CDH13: variants seen among roughly 807,000 people sequenced by gnomAD.
CDH13 encodes the protein cadherin 13.
CDH13 carries 24 observed loss-of-function variants against 63.8 expected under a neutral mutation model. That is an observed-to-expected ratio of 0.38 (90% CI 0.27 to 0.53). The LOEUF is 0.53. CDH13 is among the 20% of genes least tolerant of loss of function. The probability of loss-of-function intolerance (pLI) is 0.85; values close to 1 mark genes in which losing one functional copy is unlikely to be tolerated. For synonymous variants in CDH13, 503 were observed against 355.3 expected, an observed-to-expected ratio of 1.42 and a Z score of -4.67; for missense variants, 1,049 against 903.1, an observed-to-expected ratio of 1.16 and a Z score of -2.07.
chr16:83,511,111 T>TAC (rs1362844500), intron 7 of CDH13, among the ~76,000 whole-genome samples: 1 of 102,224 alleles, frequency 9.8e-6, no homozygotes, highest in Non-Finnish European at 2.0e-5. Flanking sequence ...CATGCACGCA[T>TAC]GCACACACAT....
intron 6 of CDH13, among the ~76,000 whole-genome samples, chr16:83,349,752 C>T (rs1012014617): frequency 6.6e-6 from 1 of 152,116 alleles, no homozygotes; most frequent in African/African-American, 2.4e-5. Flanking sequence ...AGACACCTGC[C>T]ACCACGCCCA....
At chr16:83,667,957 C>T (rs1330626842) in intron 8 of CDH13, among the ~76,000 whole-genome samples, 1 of 152,100 alleles carries the variant, frequency 6.6e-6, no homozygotes, top group African/African-American at 2.4e-5. Context: ...AATACCATGC[C>T]CAGCCCCCAA....
In CDH13 at chr16:83,659,785, CTT is replaced by C. The variant is rs35285231; in HGVS notation, c.1102-10987_1102-10986del. ...ATGAGTTAGAGCAGCAGTCCACAAC[CTT>C]TTTTTTTTTTTTTTTTTGAGATGGA... On this transcript the variant is annotated intron_variant, in intron 8 of 13. Transcript: ENST00000567109. Among the ~76,000 whole-genome samples the C allele has an allele frequency of 6.4e-3, 791 of 122,864 alleles. 7 individuals carry two copies. Among genetic ancestry groups the C allele is most frequent in the East Asian group, 0.033 (134 of 4,082 alleles). The allele number at this position is 122,864 out of a possible 152,430, so 80.6% of individuals were successfully genotyped here. A position where few individuals can be genotyped will look rare whatever the true frequency, so the allele number is the denominator to read the frequency against.
chr16:83,185,059 C>T (rs1705567758), intron 4 of CDH13, among the ~76,000 whole-genome samples: 1 of 152,010 alleles, frequency 6.6e-6, no homozygotes, highest in Non-Finnish European at 1.5e-5. Context: ...GATCTTCCCA[C>T]CAACCTGGTA....
chr16:83,540,804 A>G (rs1489432506), intron 7 of CDH13, among the ~76,000 whole-genome samples: 1 of 152,094 alleles, frequency 6.6e-6, no homozygotes, highest in African/African-American at 2.4e-5. Flanking sequence ...TAATTTTTGT[A>G]TTTTTAGTAG....
At position 82,644,710 on chromosome 16, in the gene CDH13, G is replaced by A. The variant is rs1002093008; in HGVS notation, c.45+17573G>A. On this transcript the variant is annotated intron_variant, in intron 1 of 13. Transcript: ENST00000567109. The surrounding 1 kb of genome is among the most constrained non-coding windows in gnomAD (Gnocchi z 5.7). ...TGGCTGGGACCCAGGCTCCCAGGTA[G>A]CCAGCTCCCAGGTGACAGGAGTCCG... Among the ~76,000 whole-genome samples the A allele has an allele frequency of 8.5e-5, 13 of 152,148 alleles. No individual in the cohort carries two copies. Among genetic ancestry groups the A allele is most frequent in the African/African-American group, 3.1e-4 (13 of 41,426 alleles).
At chr16:83,303,342 C>T (rs751055629) in intron 5 of CDH13, among the ~76,000 whole-genome samples, 5 of 152,168 alleles carry the variant, frequency 3.3e-5, no homozygotes, top group Admixed American at 6.5e-5. Flanking sequence ...GGTCCAGATG[C>T]TTATACAACT....
chr16:83,221,679 G>A (rs1292309635), intron 5 of CDH13, among the ~76,000 whole-genome samples: 2 of 151,780 alleles, frequency 1.3e-5, no homozygotes, highest in African/African-American at 4.8e-5. Flanking sequence ...GGTTGGGATG[G>A]GCTCTGCAGG....
At chr16:83,365,959 G>A (rs1364243062) in intron 6 of CDH13, among the ~76,000 whole-genome samples, 1 of 152,112 alleles carries the variant, frequency 6.6e-6, no homozygotes, top group Non-Finnish European at 1.5e-5. Context: ...GGCCTTATGA[G>A]CCCCTAAGCA....
intron 2 of CDH13, among the ~76,000 whole-genome samples, chr16:82,943,483 G>T (rs745438696): frequency 7.9e-5 from 12 of 152,246 alleles, no homozygotes; most frequent in African/African-American, 1.2e-4. Flanking sequence ...CATGACAAAA[G>T]GTGTGATTAT....
intron 2 of CDH13, among the ~76,000 whole-genome samples, chr16:82,925,229 G>T (rs777060255): frequency 6.6e-6 from 1 of 152,132 alleles, no homozygotes; most frequent in Non-Finnish European, 1.5e-5. Flanking sequence ...AAAGAGGGAG[G>T]AGGTGACATA....
At chr16:82,832,678 C>T (rs141264624) in intron 1 of CDH13, among the ~76,000 whole-genome samples, 367 of 151,844 alleles carry the variant, frequency 2.4e-3, no homozygotes, top group African/African-American at 8.0e-3. Context: ...AATATAGCAA[C>T]GATATGAAAT....
At chr16:83,676,055 T>C (rs1292093622) in intron 9 of CDH13, among the ~76,000 whole-genome samples, 4 of 152,000 alleles carry the variant, frequency 2.6e-5, no homozygotes, top group Admixed American at 2.0e-4. Context: ...TTGCTGCAAA[T>C]AATGACATCC....
At chr16:83,101,928 C>T (rs1331129578) in intron 3 of CDH13, among the ~76,000 whole-genome samples, 1 of 152,190 alleles carries the variant, frequency 6.6e-6, no homozygotes, top group Admixed American at 6.5e-5. Flanking sequence ...CATTCTACTC[C>T]TTGGAACCTG....
At chr16:82,713,259 G>A (rs2032094413) in intron 1 of CDH13, among the ~76,000 whole-genome samples, 1 of 152,086 alleles carries the variant, frequency 6.6e-6, no homozygotes, top group South Asian at 2.1e-4. Context: ...TGGGTATGAG[G>A]TCCAAGGATC....
At chr16:83,297,906 G>A (rs2089639760) in intron 5 of CDH13, among the ~76,000 whole-genome samples, 1 of 151,880 alleles carries the variant, frequency 6.6e-6, no homozygotes, top group African/African-American at 2.4e-5. Context: ...CTGTACAGTT[G>A]GTGAAAATAA....
intron 1 of CDH13, among the ~76,000 whole-genome samples, chr16:82,682,380 C>T (rs1597310734): frequency 6.6e-6 from 1 of 152,180 alleles, no homozygotes; most frequent in African/African-American, 2.4e-5. Context: ...AAACACTGGA[C>T]ACTGGCATGA....
intron 8 of CDH13, among the ~76,000 whole-genome samples, chr16:83,631,193 G>A (rs755501388): frequency 6.6e-6 from 1 of 152,194 alleles, no homozygotes; most frequent in Admixed American, 6.5e-5. Context: ...AAGCCCTCAG[G>A]TTATCTGGCA....
At chr16:83,673,186 T>G (rs1914665176) in intron 9 of CDH13, among the ~76,000 whole-genome samples, 1 of 152,214 alleles carries the variant, frequency 6.6e-6, no homozygotes, top group Non-Finnish European at 1.5e-5. Flanking sequence ...TCTACTGTTG[T>G]CAAGTACACA....
Sources: allele counts gnomAD v4.1 joint callset (sites outside exome capture counted in the v4.1 genomes callset), GRCh38; gene constraint gnomAD v4.1.1; non-coding constraint Gnocchi (gnomAD v3.1); transcripts MANE v1.5; gene names NCBI Gene and HGNC (gene_info 2026-07-23, HGNC 2026-07-21).